GGT7: variants seen among roughly 807,000 people sequenced by gnomAD.
The protein encoded by GGT7 is gamma-glutamyltransferase 7.
In GGT7, 30 loss-of-function variants were observed where a neutral mutation model predicts 69.2. The observed-to-expected ratio is 0.43, with a 90% CI of 0.32 to 0.59. The LOEUF (loss-of-function observed/expected upper bound fraction) is 0.59, where lower values mean the gene tolerates loss of function less well. Among genes scored for constraint, GGT7 ranks in the 20% least tolerant of loss-of-function variants. The probability of loss-of-function intolerance (pLI) is 0.05; values close to 1 mark genes in which losing one functional copy is unlikely to be tolerated. For synonymous variants in GGT7, 388 were observed against 391.8 expected (o/e 0.99, Z 0.12); for missense variants, 733 against 901.1 (o/e 0.81, Z 2.39).
At chr20:34,859,171 TAAAA>T (rs11357916) in intron 7 of GGT7, among the ~76,000 whole-genome samples, 2 of 143,938 alleles carry the variant, frequency 1.4e-5, no homozygotes, top group Non-Finnish European at 3.0e-5. Context: ...CTCCGTCTCA[TAAAA>T]AAAAAAAAAA....
At chr20:34,846,025 A>G (rs2146876560) in intron 14 of GGT7, among the ~76,000 whole-genome samples, 1 of 151,636 alleles carries the variant, frequency 6.6e-6, no homozygotes, top group East Asian at 2.0e-4. Flanking sequence ...AGATTGCACC[A>G]CTGCACTCCA....
At chr20:34,855,383 G>A (rs2079473371) in intron 8 of GGT7, among the ~76,000 whole-genome samples, 1 of 152,198 alleles carries the variant, frequency 6.6e-6, no homozygotes, top group African/African-American at 2.4e-5. Context: ...GTTACTAGAT[G>A]TTTGGACATC....
At chr20:34,865,270 T>C (rs933421603) in intron 1 of GGT7, among the ~76,000 whole-genome samples, 1 of 152,190 alleles carries the variant, frequency 6.6e-6, no homozygotes, top group African/African-American at 2.4e-5. Flanking sequence ...CTGCAACCTC[T>C]GCCTCCCAGG....
chr20:34,849,337 T>A (rs913379815), intron 14 of GGT7, among the ~76,000 whole-genome samples: 33 of 151,250 alleles, frequency 2.2e-4, no homozygotes, highest in Admixed American at 3.3e-4. Context: ...TTTAAAAAAA[T>A]TTTTTTATAG....
chr20:34,857,702 C>T (rs1316719829), intron 7 of GGT7, among the ~76,000 whole-genome samples: 1 of 148,908 alleles, frequency 6.7e-6, no homozygotes, highest in African/African-American at 2.5e-5. Flanking sequence ...ACTGTAGCCT[C>T]AACCTTCCCA....
intron 14 of GGT7, among the ~76,000 whole-genome samples, chr20:34,847,778 T>G (rs911696819): frequency 6.6e-6 from 1 of 152,332 alleles, no homozygotes; most frequent in African/African-American, 2.4e-5. Flanking sequence ...TTTGTGATTA[T>G]GATATAAGGT....
chr20:34,849,212 T>C (rs996200906), intron 14 of GGT7, among the ~76,000 whole-genome samples: 1 of 151,602 alleles, frequency 6.6e-6, no homozygotes, highest in African/African-American at 2.4e-5. Context: ...ACCCAGGCTG[T>C]AGGGCAGTGG....
chr20:34,848,072 G>A (rs189255169), intron 14 of GGT7, among the ~76,000 whole-genome samples: 2 of 152,294 alleles, frequency 1.3e-5, no homozygotes, highest in East Asian at 3.9e-4. Context: ...CAGCCTGGGT[G>A]ACAGAGTGAG....
intron 6 of GGT7, 74 bp from the exon 7 acceptor site, chr20:34,859,713 G>T: frequency 8.0e-7 from 1 of 1,249,712 alleles, no homozygotes; most frequent in Non-Finnish European, 1.1e-6. Context: ...AATAGATGGG[G>T]TAGATGGGGG....
chr20:34,872,298 A>G (rs2146936422), intron 1 of GGT7: 1 of 186,256 alleles, frequency 5.4e-6, no homozygotes, highest in East Asian at 1.3e-4. Context: ...GGTTTCTCCT[A>G]TCCTGTCCTC....
At chr20:34,862,265 G>A (rs780822625) in intron 3 of GGT7, among the ~76,000 whole-genome samples, 19 of 152,174 alleles carry the variant, frequency 1.2e-4, no homozygotes, top group Non-Finnish European at 2.6e-4. Flanking sequence ...CGGATTTCCC[G>A]ATTGTTCAAG....
intron 14 of GGT7, among the ~76,000 whole-genome samples, chr20:34,849,659 C>T (rs1020556985): frequency 6.6e-6 from 1 of 152,142 alleles, no homozygotes; most frequent in Non-Finnish European, 1.5e-5. Flanking sequence ...GCCTGGAACA[C>T]GTACGTGTTC....
intron 12 of GGT7, among the ~76,000 whole-genome samples, chr20:34,851,659 G>A (rs2079395680): frequency 6.6e-6 from 1 of 152,186 alleles, no homozygotes; most frequent in African/African-American, 2.4e-5. Context: ...GGGAAGAACA[G>A]GATAACCCCA....
intron 6 of GGT7, 150 bp downstream of exon 6, chr20:34,859,819 C>T: frequency 2.6e-6 from 2 of 771,738 alleles, no homozygotes; most frequent in Non-Finnish European, 4.3e-6. Flanking sequence ...TCGTTTGAGG[C>T]CGCCTCCAGG....
intron 14 of GGT7, among the ~76,000 whole-genome samples, chr20:34,847,564 T>G (rs2079320960): frequency 6.6e-6 from 1 of 152,234 alleles, no homozygotes; most frequent in Non-Finnish European, 1.5e-5. Flanking sequence ...GTGGTTCACT[T>G]TCAATCCTTT....
chr20:34,859,437 A>T lies in GGT7; in HGVS notation c.1014+6T>A. The T allele has an allele frequency of 7.0e-6, 11 of 1,573,182 alleles. No individual in the cohort carries two copies. The highest frequency in any genetic ancestry group is 9.6e-6 in the Non-Finnish European group (11 of 1,151,598). On this transcript the variant is annotated splice_donor_region_variant and intron_variant, in intron 7 of 14. Transcript: ENST00000336431. ...ATGCCCCCACCCGCACAACACGAGC[A>T]CTTACCTCGGCCACCATCTCCAGTG...
chr20:34,871,503 C>T (rs990400793), intron 1 of GGT7, among the ~76,000 whole-genome samples: 6 of 152,238 alleles, frequency 3.9e-5, no homozygotes, highest in South Asian at 2.1e-4. Flanking sequence ...TGACATTTGA[C>T]GCCCATAAAC....
In GGT7 at chr20:34,845,126, A is replaced by ACCC; in HGVS notation, c.*201_*202insGGG. 5.6e-6 allele frequency: 2 copies of ACCC among 359,884 alleles called. No individual in the cohort carries two copies. The highest frequency in any genetic ancestry group is 1.1e-5 in the Non-Finnish European group (2 of 190,244). 22.3% of individuals were successfully genotyped at this position (359,884 alleles called of 1,614,324 possible). A position where few individuals can be genotyped will look rare whatever the true frequency, so the allele number is the denominator to read the frequency against. On this transcript the variant is annotated 3_prime_UTR_variant, in exon 15 of 15. Coordinates refer to ENST00000336431, the MANE Select transcript of GGT7 (RefSeq NM_178026.3). ...GATGCTGACACTCACCACCACCACC[A>ACCC]CCACCACCACCACCACCACCACCAC...
At chr20:34,852,929 G>A (rs2079422118) in intron 10 of GGT7, among the ~76,000 whole-genome samples, 1 of 150,344 alleles carries the variant, frequency 6.7e-6, no homozygotes, top group Admixed American at 6.7e-5. Context: ...TTAGTTGGGG[G>A]AGGATTTTGT....
Sources: allele counts gnomAD v4.1 joint callset (sites outside exome capture counted in the v4.1 genomes callset), GRCh38; gene constraint gnomAD v4.1.1; transcripts MANE v1.5; gene names NCBI Gene and HGNC (gene_info 2026-07-23, HGNC 2026-07-21).